PIEZO2: variants seen among roughly 807,000 people sequenced by gnomAD.
The protein encoded by PIEZO2 is piezo type mechanosensitive ion channel component 2, also known as piezo-type mechanosensitive ion channel component 2.
In PIEZO2, 172 loss-of-function variants were observed where a neutral mutation model predicts 337.3. That is an observed-to-expected ratio of 0.51 (90% confidence interval 0.45 to 0.58). The LOEUF is 0.58. PIEZO2 is among the 20% of genes least tolerant of loss of function. The pLI, the probability that PIEZO2 is intolerant of heterozygous loss-of-function variation, is 0.00. For synonymous variants in PIEZO2, 1,251 were observed against 1,228.5 expected, an observed-to-expected ratio of 1.02 and a Z score of -0.38; for missense variants, 3,028 against 3,391.3, an observed-to-expected ratio of 0.89 and a Z score of 2.66.
At chr18:11,088,303 CT>C (rs1418655602) in intron 1 of PIEZO2, among the ~76,000 whole-genome samples, 14 of 152,112 alleles carry the variant, frequency 9.2e-5, no homozygotes, top group Non-Finnish European at 1.9e-4. Context: ...CTAAAAGCTG[CT>C]TTACTGAGGA....
intron 2 of PIEZO2, among the ~76,000 whole-genome samples, chr18:11,013,733 T>A (rs2035984801): frequency 6.6e-6 from 1 of 152,104 alleles, no homozygotes; most frequent in Non-Finnish European, 1.5e-5. Context: ...ACCTGGATGG[T>A]CTCATGTGAG....
At chr18:10,934,225 T>C (rs749021526) in intron 3 of PIEZO2, among the ~76,000 whole-genome samples, 9 of 152,224 alleles carry the variant, frequency 5.9e-5, no homozygotes, top group Non-Finnish European at 1.2e-4. Context: ...ACTTGTCATG[T>C]TCTAAAAACT....
intron 17 of PIEZO2, among the ~76,000 whole-genome samples, chr18:10,782,197 T>A (rs1049473436): frequency 7.4e-6 from 1 of 135,746 alleles, no homozygotes; most frequent in Non-Finnish European, 1.5e-5. Context: ...TACATCATAT[T>A]ATATATCATA....
At chr18:10,976,537 T>C (rs1440502649) in intron 3 of PIEZO2, among the ~76,000 whole-genome samples, 1 of 152,178 alleles carries the variant, frequency 6.6e-6, no homozygotes, top group South Asian at 2.1e-4. Flanking sequence ...AAACTTCAAA[T>C]TGGAATTTAA....
rs2036303731 is a variant in PIEZO2, at chr18:11,021,408, TGC to T, written c.161-41750_161-41749del. 6.6e-6 allele frequency among the ~76,000 whole-genome samples: 1 copy of T among 152,190 alleles called. No individual in the cohort carries two copies. Among genetic ancestry groups the T allele is most frequent in the African/African-American group, 2.4e-5 (1 of 41,460 alleles). On this transcript the variant is annotated intron_variant, in intron 2 of 55. Coordinates refer to ENST00000674853, the MANE Select transcript of PIEZO2 (RefSeq NM_001378183.1). The surrounding 1 kb of genome is among the most constrained non-coding windows in gnomAD (Gnocchi z 4.7). ...TCCCACTCTTGTATTCCATGCAACC[TGC>T]GTGTGTCTGAAACAATGTTTCCTTC...
intron 1 of PIEZO2, among the ~76,000 whole-genome samples, chr18:11,086,346 C>T (rs180967994): frequency 2.0e-5 from 3 of 152,038 alleles, no homozygotes; most frequent in East Asian, 3.9e-4. Flanking sequence ...CGGTGAAACC[C>T]CGTCTCGACT....
intron 9 of PIEZO2, 54 bp from the exon 10 acceptor site, chr18:10,801,482 C>G: frequency 7.0e-7 from 1 of 1,427,926 alleles, no homozygotes; most frequent in Non-Finnish European, 9.5e-7. Context: ...AAGCATTTTA[C>G]TGTTTATGTA....
chr18:10,700,643 C>T (rs2035292479), intron 43 of PIEZO2, among the ~76,000 whole-genome samples: 1 of 151,940 alleles, frequency 6.6e-6, no homozygotes, highest in Non-Finnish European at 1.5e-5. Flanking sequence ...GTAAAGGTTG[C>T]AAGAGAATTC....
Position 10,682,378 on chromosome 18 carries a change from T to C in PIEZO2, c.7498-86A>G. The C allele has an allele frequency of 5.9e-6, 7 of 1,178,650 alleles. No homozygotes were observed. The highest frequency in any genetic ancestry group is 8.2e-6 in the Non-Finnish European group (7 of 850,150). The allele number at this position is 1,178,650 out of a possible 1,614,324, so 73.0% of individuals were successfully genotyped here. A position where few individuals can be genotyped will look rare whatever the true frequency, so the allele number is the denominator to read the frequency against. ...GGGATTGGGGGAGAGCGAGTGCTCT[T>C]CCTGTGGTGCTGGGAACATGGATTT... On this transcript the variant is annotated intron_variant, in intron 49 of 55. Coordinates refer to ENST00000674853, the MANE Select transcript of PIEZO2 (RefSeq NM_001378183.1). The surrounding 1 kb of genome is among the most constrained non-coding windows in gnomAD (Gnocchi z 5.6).
chr18:10,781,098 G>GT lies in PIEZO2; in HGVS notation c.2493-733dup, dbSNP rs1299089491. ...TTTCTAAGGTTTTGCTAAAACTATA[G>GT]TTTAAAAAAAGTCATTTCATTTCTC... On this transcript the variant is annotated intron_variant, in intron 17 of 55. Transcript: ENST00000674853. This position sits in a 1 kb window ranked among gnomAD's most constrained non-coding sequence, Gnocchi z 4.1. 6.6e-6 allele frequency among the ~76,000 whole-genome samples: 1 copy of GT among 151,078 alleles called. No homozygotes were observed. Among genetic ancestry groups the GT allele is most frequent in the East Asian group, 1.9e-4 (1 of 5,162 alleles).
At chr18:11,073,525 C>T (rs1182600381) in intron 1 of PIEZO2, among the ~76,000 whole-genome samples, 1 of 152,170 alleles carries the variant, frequency 6.6e-6, no homozygotes, top group East Asian at 1.9e-4. Context: ...CCTGCTCTGA[C>T]AACATGCTCA....
In PIEZO2 at chr18:10,726,811, G is replaced by C; in HGVS notation, c.5029+4596C>G. On this transcript the variant is annotated intron_variant, in intron 36 of 55. Transcript: ENST00000674853. This position sits in a 1 kb window ranked among gnomAD's most constrained non-coding sequence, Gnocchi z 5.9. ...GGATGTGGACCACCTGCGGCCCCAT[G>C]GGGTGCTGGATAATACCCGGATGCC... 6.4e-7 allele frequency: 1 copy of C among 1,563,454 alleles called. No homozygotes were observed. Among genetic ancestry groups the C allele is most frequent in the Non-Finnish European group, 8.8e-7 (1 of 1,140,474 alleles).
Position 10,759,588 on chromosome 18 carries a change from A to C in PIEZO2, c.3656-5T>G. ...CCTTGAATCTCCACGGGTAATCTGC[A>C]GGGAGGGAAGTGGCGAACAGCACAA... is the stretch of plus-strand genomic sequence containing the variant. On this transcript the variant is annotated splice_region_variant and splice_polypyrimidine_tract_variant and intron_variant, in intron 25 of 55. Transcript: ENST00000674853. This position sits in a 1 kb window ranked among gnomAD's most constrained non-coding sequence, Gnocchi z 5.5. 6.5e-7 allele frequency: 1 copy of C among 1,537,204 alleles called. No homozygotes were observed. The highest frequency in any genetic ancestry group is 8.7e-7 in the Non-Finnish European group (1 of 1,146,722).
chr18:11,060,308 A>C (rs1402662372), intron 2 of PIEZO2, among the ~76,000 whole-genome samples: 1 of 152,232 alleles, frequency 6.6e-6, no homozygotes, highest in Non-Finnish European at 1.5e-5. Flanking sequence ...GAAAGCAGGA[A>C]AGTTCTAAAA....
intron 3 of PIEZO2, among the ~76,000 whole-genome samples, chr18:10,928,988 G>A (rs155325): frequency 0.028 from 4,284 of 152,236 alleles, 80 homozygotes; most frequent in Middle Eastern, 0.058. Flanking sequence ...TAATTCAAAT[G>A]CATTAACAGG....
chr18:10,921,742 C>T (rs1458539656), intron 3 of PIEZO2, among the ~76,000 whole-genome samples: 1 of 152,160 alleles, frequency 6.6e-6, no homozygotes, highest in East Asian at 1.9e-4. Context: ...CTTTCAAAAG[C>T]AAATGGGAGA....
intron 4 of PIEZO2, among the ~76,000 whole-genome samples, chr18:10,906,508 T>C (rs1315177015): frequency 6.6e-6 from 1 of 152,052 alleles, no homozygotes; most frequent in African/African-American, 2.4e-5. Flanking sequence ...CAGCCTTAGA[T>C]AGAGAAAATT....
In PIEZO2 at chr18:10,833,821, A is replaced by G. The variant is rs2040925139; in HGVS notation, c.917+21532T>C. On this transcript the variant is annotated intron_variant, in intron 7 of 55. Transcript: ENST00000674853. The surrounding 1 kb of genome is among the most constrained non-coding windows in gnomAD (Gnocchi z 4.7). The stretch of plus-strand genomic sequence containing the variant: ...TGCAAATCCTTTGTTTAAAAAACGC[A>G]TTAGGCTGCCCTTTCCCTGAAGCCA... Among the ~76,000 whole-genome samples the G allele has an allele frequency of 6.6e-6, 1 of 152,222 alleles. No individual in the cohort carries two copies. Among genetic ancestry groups the G allele is most frequent in the South Asian group, 2.1e-4 (1 of 4,828 alleles).
intron 3 of PIEZO2, among the ~76,000 whole-genome samples, chr18:10,936,543 AT>A (rs1239091611): frequency 2.0e-5 from 3 of 152,022 alleles, no homozygotes; most frequent in Non-Finnish European, 4.4e-5. Flanking sequence ...CTGTCCCTTT[AT>A]TTTTGCTGAT....
Sources: gnomAD v4.1 joint callset for allele counts (sites outside exome capture counted in the v4.1 genomes callset) on GRCh38, gnomAD v4.1.1 for gene constraint, Gnocchi (gnomAD v3.1) non-coding constraint, MANE v1.5 for transcripts, NCBI Gene and HGNC (gene_info 2026-07-23, HGNC 2026-07-21) for gene names.